F13A1: variants seen among roughly 807,000 people sequenced by gnomAD.
The protein encoded by F13A1 is coagulation factor XIII A chain.
Under a neutral mutation model 80.1 loss-of-function variants are expected in F13A1, and 47 were observed. The observed-to-expected ratio is 0.59, with a 90% CI of 0.46 to 0.75. The LOEUF (loss-of-function observed/expected upper bound fraction) is 0.75. Among genes scored for constraint, F13A1 ranks in the 30% least tolerant of loss-of-function variants. The pLI is 0.00. For synonymous variants in F13A1, 349 were observed against 344.9 expected (o/e 1.01, Z -0.13); for missense variants, 817 against 930.4 (o/e 0.88, Z 1.59).
At chr6:6,202,740 T>C (rs1319948703) in intron 8 of F13A1, among the ~76,000 whole-genome samples, 2 of 152,240 alleles carry the variant, frequency 1.3e-5, no homozygotes, top group Non-Finnish European at 2.9e-5. Context: ...ACGATGGAGA[T>C]GACAAGTGAA....
At position 6,243,209 on chromosome 6, in the gene F13A1, C is replaced by T. The variant is rs367641942; in HGVS notation, c.798+5103G>A. On this transcript the variant is annotated intron_variant, in intron 6 of 14. Transcript: ENST00000264870. This position sits in a 1 kb window ranked among gnomAD's most constrained non-coding sequence, Gnocchi z 4.2. ...TCACTCCCACCACCATCACTCCTAC[C>T]ATCACCACCACCATCACCGTCACCA... Among the ~76,000 whole-genome samples the T allele has an allele frequency of 1.6e-3, 243 of 150,678 alleles. 2 individuals carry two copies. The highest frequency in any genetic ancestry group is 9.0e-3 in the East Asian group (46 of 5,138).
intron 12 of F13A1, among the ~76,000 whole-genome samples, chr6:6,169,974 C>T (rs1007000315): frequency 2.0e-5 from 3 of 152,160 alleles, no homozygotes; most frequent in Non-Finnish European, 2.9e-5. Flanking sequence ...TGGAATGACC[C>T]GCTCTCGTAT....
At chr6:6,271,624 CA>C (rs775648412) in intron 3 of F13A1, among the ~76,000 whole-genome samples, 13 of 152,318 alleles carry the variant, frequency 8.5e-5, no homozygotes, top group Admixed American at 1.3e-4. Flanking sequence ...TTAATAATTG[CA>C]GCCTTTGAAA....
intron 6 of F13A1, among the ~76,000 whole-genome samples, chr6:6,227,299 T>C (rs922462909): frequency 6.6e-6 from 1 of 152,188 alleles, no homozygotes; most frequent in Non-Finnish European, 1.5e-5. Context: ...CTGTGTCCAG[T>C]CAGGTTAAAG....
intron 14 of F13A1, among the ~76,000 whole-genome samples, chr6:6,150,804 G>A (rs558552051): frequency 2.6e-4 from 39 of 152,274 alleles, no homozygotes; most frequent in African/African-American, 9.4e-4. Flanking sequence ...GATCCATTCT[G>A]GGTGTCACAC....
chr6:6,174,994 G>A, intron 11 of F13A1, 127 bp from the exon 12 acceptor site: 1 of 1,121,416 alleles, frequency 8.9e-7, no homozygotes, highest in Non-Finnish European at 1.3e-6. Context: ...GACCTCCCCA[G>A]GAGGAGGGTG....
At chr6:6,251,040 T>A in intron 4 of F13A1, 111 bp from the exon 5 acceptor site, 1 of 857,302 alleles carries the variant, frequency 1.2e-6, no homozygotes, top group African/African-American at 1.7e-5. Context: ...CAGCCAAATT[T>A]TTAAAAAATG....
chr6:6,191,065 G>A (rs1180946937), intron 10 of F13A1, among the ~76,000 whole-genome samples: 1 of 152,284 alleles, frequency 6.6e-6, no homozygotes, highest in African/African-American at 2.4e-5. Flanking sequence ...GTGAGGCAAT[G>A]CCTCACCCTG....
intron 6 of F13A1, among the ~76,000 whole-genome samples, chr6:6,228,619 C>T (rs1035345173): frequency 2.0e-5 from 3 of 150,876 alleles, no homozygotes; most frequent in Non-Finnish European, 2.9e-5. Flanking sequence ...CTGTAGTCCC[C>T]GCTACTCTGG....
intron 3 of F13A1, among the ~76,000 whole-genome samples, chr6:6,293,810 GGAGGGAGGGAGGGAGA>G (rs61118030): frequency 0.015 from 1,831 of 119,062 alleles, 99 homozygotes; most frequent in African/African-American, 0.048. Context: ...AGGGAGGGAG[GGAGGGAGGGAGGGAGA>G]GAAGGAAATT....
intron 8 of F13A1, among the ~76,000 whole-genome samples, chr6:6,203,253 T>C (rs1225168122): frequency 6.6e-6 from 1 of 152,250 alleles, no homozygotes; most frequent in Admixed American, 6.5e-5. Context: ...TGCATAATTT[T>C]GTATAATTTT....
chr6:6,275,671 A>C (rs1757979126), intron 3 of F13A1, among the ~76,000 whole-genome samples: 2 of 152,180 alleles, frequency 1.3e-5, no homozygotes, highest in Non-Finnish European at 2.9e-5. Flanking sequence ...GCCTGGCCCT[A>C]GGCACTGTTT....
At chr6:6,310,262 A>G (rs1758571195) in intron 2 of F13A1, among the ~76,000 whole-genome samples, 1 of 152,220 alleles carries the variant, frequency 6.6e-6, no homozygotes, top group Admixed American at 6.5e-5. Flanking sequence ...TAATATGCTG[A>G]TGTATACCAC....
intron 4 of F13A1, among the ~76,000 whole-genome samples, chr6:6,252,545 A>C (rs2113104912): frequency 6.6e-6 from 1 of 152,352 alleles, no homozygotes; most frequent in Admixed American, 6.5e-5. Flanking sequence ...GGGATAGATA[A>C]AGCAAATGTG....
intron 2 of F13A1, among the ~76,000 whole-genome samples, chr6:6,314,602 A>G (rs1259568008): frequency 2.6e-5 from 4 of 152,198 alleles, no homozygotes; most frequent in African/African-American, 9.6e-5. Context: ...CCACACCGCT[A>G]GACATTGATT....
chr6:6,171,986 G>A (rs1252643432), intron 12 of F13A1, among the ~76,000 whole-genome samples: 1 of 152,100 alleles, frequency 6.6e-6, no homozygotes, highest in Non-Finnish European at 1.5e-5. Flanking sequence ...TCCTTAACCT[G>A]CTTTGTATTT....
intron 6 of F13A1, among the ~76,000 whole-genome samples, chr6:6,237,025 G>T (rs921676302): frequency 6.6e-6 from 1 of 152,086 alleles, no homozygotes; most frequent in African/African-American, 2.4e-5. Context: ...CAGTAGTTAC[G>T]GTGTTGTGGG....
intron 11 of F13A1, among the ~76,000 whole-genome samples, chr6:6,180,659 C>T (rs910883824): frequency 5.9e-5 from 9 of 152,098 alleles, no homozygotes; most frequent in Non-Finnish European, 7.4e-5. Context: ...AAAATACCAC[C>T]TTTGTATCTG....
At chr6:6,145,917 G>T in intron 14 of F13A1, 145 bp from the exon 15 acceptor site, 1 of 1,045,600 alleles carries the variant, frequency 9.6e-7, no homozygotes, top group Non-Finnish European at 1.4e-6. Context: ...GGCTGATTCA[G>T]CAAGTTATGC....
Sources: allele counts gnomAD v4.1 joint callset (sites outside exome capture counted in the v4.1 genomes callset), GRCh38; gene constraint gnomAD v4.1.1; non-coding constraint Gnocchi (gnomAD v3.1); transcripts MANE v1.5; gene names NCBI Gene and HGNC (gene_info 2026-07-23, HGNC 2026-07-21).